The following CSMD1 variants were observed in gnomAD, a reference collection of about 807,000 sequenced individuals.
CSMD1 encodes CUB and Sushi multiple domains 1.
A neutral mutation model predicts 417.5 loss-of-function variants in CSMD1; 213 were observed. The observed-to-expected ratio is 0.51, with a 90% CI of 0.46 to 0.57. The LOEUF is 0.57. Among genes scored for constraint, CSMD1 ranks in the 20% least tolerant of loss-of-function variants. The pLI, the probability that CSMD1 is intolerant of heterozygous loss-of-function variation, is 0.00. For missense variants in CSMD1, 6,923 were observed against 4,529.7 expected (o/e 1.53, Z -15.17); for synonymous variants, 2,862 against 1,736.8 (o/e 1.65, Z -16.11).
chr8:4,914,406 C>T (rs944539466), intron 1 of CSMD1, among the ~76,000 whole-genome samples: 1 of 151,914 alleles, frequency 6.6e-6, no homozygotes, highest in Non-Finnish European at 1.5e-5. Flanking sequence ...GAAACTCCGT[C>T]TCCACTAAAA....
chr8:3,321,859 A>G (rs1806175129), intron 23 of CSMD1, among the ~76,000 whole-genome samples: 1 of 152,344 alleles, frequency 6.6e-6, no homozygotes, highest in South Asian at 2.1e-4. Context: ...GATTTGTACA[A>G]AATTTGGGAG....
intron 23 of CSMD1, among the ~76,000 whole-genome samples, chr8:3,342,441 G>C (rs1461014964): frequency 1.3e-5 from 2 of 152,140 alleles, no homozygotes; most frequent in Non-Finnish European, 1.5e-5. Context: ...ACATTTATCA[G>C]ATGAGTGAAG....
chr8:2,976,979 C>A (rs1360315987), intron 55 of CSMD1, among the ~76,000 whole-genome samples: 1 of 151,444 alleles, frequency 6.6e-6, no homozygotes, highest in Non-Finnish European at 1.5e-5. Context: ...ATCCATTTTT[C>A]AGAGCCATAT....
intron 3 of CSMD1, among the ~76,000 whole-genome samples, chr8:4,076,855 C>G (rs993005721): frequency 2.0e-5 from 3 of 152,130 alleles, no homozygotes; most frequent in Non-Finnish European, 4.4e-5. Flanking sequence ...AGATAGGCTA[C>G]TCTTTTCTCA....
intron 10 of CSMD1, among the ~76,000 whole-genome samples, chr8:3,567,234 C>A (rs1411322351): frequency 6.6e-6 from 1 of 151,802 alleles, no homozygotes; most frequent in South Asian, 2.1e-4. Flanking sequence ...TACATGGACA[C>A]AAAGAGGGAA....
chr8:4,740,016 C>G (rs1164371687), intron 1 of CSMD1, among the ~76,000 whole-genome samples: 1 of 152,050 alleles, frequency 6.6e-6, no homozygotes, highest in Non-Finnish European at 1.5e-5. Context: ...CCACCCTGAG[C>G]TTCAGCATCC....
intron 3 of CSMD1, among the ~76,000 whole-genome samples, chr8:4,353,630 C>A (rs778942063): frequency 5.9e-5 from 9 of 151,960 alleles, no homozygotes; most frequent in African/African-American, 2.2e-4. Flanking sequence ...GAGTCACGCC[C>A]AACGGGACAG....
intron 1 of CSMD1, among the ~76,000 whole-genome samples, chr8:4,796,523 CCAT>C (rs1797991955): frequency 6.6e-6 from 1 of 151,748 alleles, no homozygotes; most frequent in South Asian, 2.1e-4. Flanking sequence ...GACCTGGGAG[CCAT>C]CCCTCAGACA....
chr8:4,792,600 T>A (rs762151296), intron 1 of CSMD1, among the ~76,000 whole-genome samples: 1 of 152,176 alleles, frequency 6.6e-6, no homozygotes, highest in African/African-American at 2.4e-5. Context: ...AACTGTTGAA[T>A]AGAGTCTCTT....
chr8:4,062,028 G>A lies in CSMD1; in HGVS notation c.416-29929C>T, dbSNP rs188676572. Among the ~76,000 whole-genome samples the A allele has an allele frequency of 9.2e-5, 14 of 152,114 alleles. 1 individual carries two copies. The highest frequency in any genetic ancestry group is 1.3e-4 in the Non-Finnish European group (9 of 68,022). On this transcript the variant is annotated intron_variant, in intron 3 of 69. Transcript: ENST00000635120. ...CAAGGTGTAGTGGGGAGGAGAGCACGCAGGTGGTGAAAATGCAGAGTGCCA... is the reference window on the plus strand; with the variant it reads ...CAAGGTGTAGTGGGGAGGAGAGCACACAGGTGGTGAAAATGCAGAGTGCCA...
intron 11 of CSMD1, among the ~76,000 whole-genome samples, chr8:3,489,898 G>T (rs188826639): frequency 2.2e-4 from 33 of 152,238 alleles, no homozygotes; most frequent in Non-Finnish European, 4.4e-4. Flanking sequence ...CCATGAAGAG[G>T]TTTTAAACTG....
chr8:4,825,588 A>G (rs76948564), intron 1 of CSMD1, among the ~76,000 whole-genome samples: 3 of 68,248 alleles, frequency 4.4e-5, no homozygotes, highest in African/African-American at 1.0e-4. Context: ...AAGTGGGATC[A>G]AAAAGCACAG....
At chr8:4,161,677 T>G (rs1797179075) in intron 3 of CSMD1, among the ~76,000 whole-genome samples, 1 of 152,196 alleles carries the variant, frequency 6.6e-6, no homozygotes, top group African/African-American at 2.4e-5. Flanking sequence ...TAAAAATTAT[T>G]ACAATTTAGC....
chr8:4,281,296 A>G (rs17413233), intron 3 of CSMD1, among the ~76,000 whole-genome samples: 10 of 152,176 alleles, frequency 6.6e-5, no homozygotes, highest in Non-Finnish European at 1.0e-4. Flanking sequence ...AGGTAGAGAT[A>G]TGAAAACCTG....
At chr8:4,025,987 G>C (rs777688187) in intron 4 of CSMD1, among the ~76,000 whole-genome samples, 8 of 149,380 alleles carry the variant, frequency 5.4e-5, no homozygotes, top group Middle Eastern at 3.4e-3. Flanking sequence ...GAAGGAGACA[G>C]TCATGCTACT....
intron 12 of CSMD1, among the ~76,000 whole-genome samples, chr8:3,452,807 G>A (rs535236352): frequency 6.6e-6 from 1 of 152,218 alleles, no homozygotes; most frequent in Admixed American, 6.5e-5. Flanking sequence ...GCCAGGCTTT[G>A]GTATCAGGAT....
intron 1 of CSMD1, among the ~76,000 whole-genome samples, chr8:4,901,219 T>C (rs1263726787): frequency 6.6e-6 from 1 of 152,224 alleles, no homozygotes; most frequent in Non-Finnish European, 1.5e-5. Flanking sequence ...TAGAAACAAC[T>C]ATATTTCAGA....
chr8:4,137,877 T>C (rs1803529046), intron 3 of CSMD1, among the ~76,000 whole-genome samples: 1 of 151,846 alleles, frequency 6.6e-6, no homozygotes, highest in Admixed American at 6.6e-5. Flanking sequence ...TTTTTTTTAA[T>C]TAATTTATTT....
intron 25 of CSMD1, among the ~76,000 whole-genome samples, chr8:3,295,276 C>A (rs893017923): frequency 6.6e-6 from 1 of 151,976 alleles, no homozygotes; most frequent in East Asian, 1.9e-4. Context: ...AGGTGCCCAC[C>A]ACCACACATG....
Sources: allele counts gnomAD v4.1 joint callset (sites outside exome capture counted in the v4.1 genomes callset), GRCh38; gene constraint gnomAD v4.1.1; transcripts MANE v1.5; gene names NCBI Gene and HGNC (gene_info 2026-07-23, HGNC 2026-07-21).